The following ARMH3 variants were observed in gnomAD, a reference collection of about 807,000 sequenced individuals.
The protein encoded by ARMH3 is armadillo-like helical domain-containing protein 3.
Under a neutral mutation model 99.1 loss-of-function variants are expected in ARMH3, and 60 were observed. That is an observed-to-expected ratio of 0.61 (90% CI 0.49 to 0.75). The LOEUF (loss-of-function observed/expected upper bound fraction) is 0.75, where lower values mean the gene tolerates loss of function less well. Ranked by LOEUF, ARMH3 falls within the 30% of genes least tolerant of loss-of-function variation. The pLI, the probability that ARMH3 is intolerant of heterozygous loss-of-function variation, is 0.00. For missense variants in ARMH3, 679 were observed against 843.1 expected, an observed-to-expected ratio of 0.81 and a Z score of 2.41; for synonymous variants, 285 against 292.8, an observed-to-expected ratio of 0.97 and a Z score of 0.27.
At chr10:102,025,502 AAG>A (rs1229864045) in intron 5 of ARMH3, among the ~76,000 whole-genome samples, 1 of 152,238 alleles carries the variant, frequency 6.6e-6, no homozygotes, top group Non-Finnish European at 1.5e-5. Flanking sequence ...ACAGTTGCAC[AAG>A]AGAGTAAAGA....
chr10:101,891,295 A>G (rs2067685671), intron 23 of ARMH3, among the ~76,000 whole-genome samples: 1 of 151,682 alleles, frequency 6.6e-6, no homozygotes, highest in African/African-American at 2.4e-5. Flanking sequence ...TTCCGGGTTT[A>G]AGCAATTCTT....
At chr10:102,027,518 G>A (rs1378526480) in intron 5 of ARMH3, among the ~76,000 whole-genome samples, 3 of 152,046 alleles carry the variant, frequency 2.0e-5, no homozygotes, top group Admixed American at 6.6e-5. Flanking sequence ...AAGAAGAGAT[G>A]CAGGAGAAAC....
At chr10:101,967,736 T>TG (rs1310552826) in intron 20 of ARMH3, among the ~76,000 whole-genome samples, 2 of 151,718 alleles carry the variant, frequency 1.3e-5, no homozygotes, top group East Asian at 1.9e-4. Flanking sequence ...GACTCAGTCG[T>TG]GGGGGGAGCA....
chr10:102,048,836 TA>T (rs1005568946), intron 1 of ARMH3, among the ~76,000 whole-genome samples: 3 of 152,160 alleles, frequency 2.0e-5, no homozygotes, highest in African/African-American at 7.2e-5. Context: ...CAGGGTTTTT[TA>T]AAAAACCTTT....
intron 2 of ARMH3, among the ~76,000 whole-genome samples, chr10:102,035,774 C>T (rs1182958847): frequency 6.6e-6 from 1 of 152,242 alleles, no homozygotes; most frequent in African/African-American, 2.4e-5. Flanking sequence ...CTCCCAGCCG[C>T]CTGCCTTGGC....
intron 13 of ARMH3, 70 bp downstream of exon 13, chr10:102,009,304 G>T: frequency 1.4e-6 from 2 of 1,401,580 alleles, no homozygotes; most frequent in Non-Finnish European, 2.0e-6. Flanking sequence ...AGCCAGATAG[G>T]CTTTTCAATG....
At chr10:101,862,721 T>G (rs1328876186) in intron 24 of ARMH3, among the ~76,000 whole-genome samples, 1 of 150,380 alleles carries the variant, frequency 6.6e-6, no homozygotes, top group African/African-American at 2.5e-5. Flanking sequence ...AAAAAAACCC[T>G]CAGTAAAATA....
At chr10:102,020,679 C>T (rs11191186) in intron 8 of ARMH3, among the ~76,000 whole-genome samples, 3 of 142,448 alleles carry the variant, frequency 2.1e-5, no homozygotes, top group South Asian at 4.6e-4. Flanking sequence ...GAGACTCCAT[C>T]TCAGAAAAAA....
chr10:101,951,309 C>T (rs1301962472), intron 22 of ARMH3, among the ~76,000 whole-genome samples: 1 of 152,184 alleles, frequency 6.6e-6, no homozygotes, highest in African/African-American at 2.4e-5. Context: ...GTGGCTCATG[C>T]CTGTAATCCC....
chr10:101,916,353 C>A (rs1459027390), intron 23 of ARMH3, among the ~76,000 whole-genome samples: 3 of 152,128 alleles, frequency 2.0e-5, no homozygotes, highest in African/African-American at 4.8e-5. Flanking sequence ...CCATCAGCAA[C>A]CTACCCCCCA....
intron 23 of ARMH3, among the ~76,000 whole-genome samples, chr10:101,912,257 G>A: frequency 6.6e-6 from 1 of 151,996 alleles, no homozygotes; most frequent in East Asian, 1.9e-4. Context: ...GCCGGGTGTG[G>A]TGGTGGGCGC....
chr10:101,872,150 G>A lies in ARMH3; in HGVS notation c.1860+17262C>T, dbSNP rs148098254. 1.6e-4 allele frequency among the ~76,000 whole-genome samples: 24 copies of A among 151,710 alleles called. No individual in the cohort carries two copies. The East Asian group carries it at 4.4e-3, about 28-fold the overall frequency. ...TTAAAATTGATCTTAAAAATATCTA[G>A]TATTTGAAAGACATCACTGAGAATA... is the stretch of plus-strand genomic sequence containing the variant. On this transcript the variant is annotated intron_variant, in intron 24 of 25. Transcript: ENST00000370033.
chr10:102,006,621 T>C lies in ARMH3; in HGVS notation c.967A>G (p.Met323Val), dbSNP rs1173854833. 2 of 1,613,934 alleles carry C rather than the reference T, an allele frequency of 1.2e-6. No individual in the cohort carries two copies. The highest frequency in any genetic ancestry group is 2.2e-5 in the East Asian group (1 of 44,870). The stretch of plus-strand genomic sequence containing the variant: ...CTGACAGGGGTCGTCACCAAGCCCA[T>C]TTCTGGATGGCTCTGAAAAAGATAC... ...ITVLAQSHPE[M>V]GLVTTPVSPA... Residue 323 changes from methionine (M) to valine (V), a missense_variant, in exon 14 of 26, where the codon ATG becomes GTG. By Grantham distance (21) the Met-to-Val change is conservative. Transcript: ENST00000370033.
At chr10:101,901,917 A>G (rs1461798055) in intron 23 of ARMH3, among the ~76,000 whole-genome samples, 4 of 152,222 alleles carry the variant, frequency 2.6e-5, no homozygotes, top group African/African-American at 7.2e-5. Flanking sequence ...TCATTGCAAA[A>G]TAGTTTCTCC....
intron 11 of ARMH3, 108 bp from the exon 12 acceptor site, chr10:102,010,131 G>T (rs2136105816): frequency 1.0e-6 from 1 of 990,410 alleles, no homozygotes; most frequent in African/African-American, 1.6e-5. Context: ...TCCACCTGGG[G>T]AGAACTTGGA....
At chr10:101,921,558 T>C (rs559027641) in intron 23 of ARMH3, among the ~76,000 whole-genome samples, 1 of 152,146 alleles carries the variant, frequency 6.6e-6, no homozygotes, top group Non-Finnish European at 1.5e-5. Flanking sequence ...CTATTCACAA[T>C]AGCAAAGATA....
intron 24 of ARMH3, among the ~76,000 whole-genome samples, chr10:101,860,096 A>T (rs947744810): frequency 5.3e-5 from 8 of 152,206 alleles, no homozygotes; most frequent in Non-Finnish European, 1.2e-4. Flanking sequence ...GAAAGGGAAT[A>T]TCAGAAATGT....
At chr10:101,912,391 C>CAAAA (rs34173316) in intron 23 of ARMH3, among the ~76,000 whole-genome samples, 8 of 83,060 alleles carry the variant, frequency 9.6e-5, no homozygotes, top group South Asian at 8.7e-4. Context: ...GACTCTGTCT[C>CAAAA]AAAAAAAAAA....
chr10:102,025,071 T>A, intron 6 of ARMH3, 85 bp downstream of exon 6: 1 of 1,159,516 alleles, frequency 8.6e-7, no homozygotes, highest in Non-Finnish European at 1.3e-6. Flanking sequence ...TTTCTTCTCT[T>A]TTTCCTTCTA....
Sources: gnomAD v4.1 joint callset for allele counts (sites outside exome capture counted in the v4.1 genomes callset) on GRCh38, gnomAD v4.1.1 for gene constraint, MANE v1.5 for transcripts, NCBI Gene and HGNC (gene_info 2026-07-23, HGNC 2026-07-21) for gene names.